Variants in KATNAL2 observed in about 807,000 individuals in gnomAD.
KATNAL2 encodes the protein katanin catalytic subunit A1 like 2, also known as katanin p60 ATPase-containing subunit A-like 2.
KATNAL2 carries 52 observed loss-of-function variants against 76.3 expected under a neutral mutation model. The ratio of observed to expected loss-of-function variants is 0.68; its 90% CI spans 0.55 to 0.86. KATNAL2 has a LOEUF of 0.86. Ranked by LOEUF, KATNAL2 falls within the 40% of genes least tolerant of loss-of-function variation. The probability of loss-of-function intolerance (pLI) is 0.00; values close to 1 mark genes in which losing one functional copy is unlikely to be tolerated. For missense variants in KATNAL2, 660 were observed against 668.9 expected, an observed-to-expected ratio of 0.99 and a Z score of 0.15; for synonymous variants, 243 against 244.2, an observed-to-expected ratio of 1.00 and a Z score of 0.05.
At chr18:47,036,099 C>A (rs2060763494) in intron 3 of KATNAL2, among the ~76,000 whole-genome samples, 3 of 152,246 alleles carry the variant, frequency 2.0e-5, no homozygotes, top group South Asian at 4.1e-4. Context: ...TCCAAGAAAT[C>A]TTTTTTCCAT....
At chr18:46,947,532 T>C (rs2059418093) in intron 3 of KATNAL2, among the ~76,000 whole-genome samples, 1 of 151,636 alleles carries the variant, frequency 6.6e-6, no homozygotes, top group African/African-American at 2.4e-5. Flanking sequence ...GAACATGAAT[T>C]GAGGACACAT....
chr18:46,928,884 C>T (rs1255474965), intron 1 of KATNAL2, among the ~76,000 whole-genome samples: 2 of 152,124 alleles, frequency 1.3e-5, no homozygotes, highest in Admixed American at 6.6e-5. Flanking sequence ...CAACCTCCAC[C>T]TCCAGAGTTC....
chr18:47,073,224 T>G (rs1425765067), intron 13 of KATNAL2, among the ~76,000 whole-genome samples: 1 of 152,198 alleles, frequency 6.6e-6, no homozygotes, highest in Non-Finnish European at 1.5e-5. Context: ...TAATAGTGTA[T>G]TTCAGTGATT....
chr18:46,918,766 G>C (rs1221984876), intron 1 of KATNAL2, among the ~76,000 whole-genome samples: 1 of 152,020 alleles, frequency 6.6e-6, no homozygotes, highest in African/African-American at 2.4e-5. Context: ...CTTGAACCAA[G>C]AATAATTTCC....
intron 1 of KATNAL2, among the ~76,000 whole-genome samples, chr18:46,934,573 A>G (rs2059032858): frequency 6.6e-6 from 1 of 152,164 alleles, no homozygotes; most frequent in Non-Finnish European, 1.5e-5. Context: ...AGTAGGTTGC[A>G]AAAATTTTCT....
intron 1 of KATNAL2, among the ~76,000 whole-genome samples, chr18:46,929,898 C>T (rs1254077085): frequency 1.3e-5 from 2 of 152,066 alleles, no homozygotes; most frequent in East Asian, 1.9e-4. Context: ...TCTCAGTCTC[C>T]CGAGTAGGTG....
intron 6 of KATNAL2, among the ~76,000 whole-genome samples, chr18:47,057,966 C>T (rs1036635041): frequency 2.6e-5 from 4 of 151,964 alleles, no homozygotes; most frequent in Non-Finnish European, 2.9e-5. Context: ...GCAGAAGGGC[C>T]GAAGCTATGT....
At chr18:46,930,557 T>C (rs1030728354) in intron 1 of KATNAL2, among the ~76,000 whole-genome samples, 9 of 152,196 alleles carry the variant, frequency 5.9e-5, no homozygotes, top group Non-Finnish European at 1.3e-4. Flanking sequence ...GGCTCACACC[T>C]ATAATCCCAG....
At chr18:47,045,601 G>C (rs1436911592) in intron 3 of KATNAL2, among the ~76,000 whole-genome samples, 1 of 152,080 alleles carries the variant, frequency 6.6e-6, no homozygotes. Flanking sequence ...GGGATTACAG[G>C]TATGAGCCAC....
chr18:46,932,879 C>T (rs1221380378), intron 1 of KATNAL2, among the ~76,000 whole-genome samples: 1 of 151,706 alleles, frequency 6.6e-6, no homozygotes, highest in African/African-American at 2.4e-5. Flanking sequence ...ATTCTCCTGC[C>T]TCAACCTCCT....
intron 3 of KATNAL2, among the ~76,000 whole-genome samples, chr18:47,032,113 C>G (rs1476466179): frequency 6.6e-6 from 1 of 152,178 alleles, no homozygotes; most frequent in East Asian, 1.9e-4. Context: ...TAATGTGTCA[C>G]CATTCTTTCA....
At chr18:47,083,370 A>G (rs2062620229) in intron 15 of KATNAL2, among the ~76,000 whole-genome samples, 1 of 152,250 alleles carries the variant, frequency 6.6e-6, no homozygotes, top group Non-Finnish European at 1.5e-5. Context: ...CAAGTGATCT[A>G]AAGACCCAGT....
chr18:47,042,809 A>G lies in KATNAL2; in HGVS notation c.52-3648A>G, dbSNP rs1442533212. Among the ~76,000 whole-genome samples, 4 of 152,338 alleles carry G rather than the reference A, an allele frequency of 2.6e-5. No homozygotes were observed. The East Asian group carries it at 5.8e-4, about 22-fold the overall frequency. On this transcript the variant is annotated intron_variant, in intron 3 of 17. Coordinates refer to ENST00000683218, the MANE Select transcript of KATNAL2 (RefSeq NM_001387690.1). ...AAAAAATAGTGAAATAATTTACCAA[A>G]GAAATAATAAAGAAGTTTTCCAAAA...
chr18:47,036,044 C>T (rs1321575764), intron 3 of KATNAL2, among the ~76,000 whole-genome samples: 1 of 152,168 alleles, frequency 6.6e-6, no homozygotes, highest in Non-Finnish European at 1.5e-5. Flanking sequence ...TGTCTTGACC[C>T]CGCCTTGTCC....
In KATNAL2 at chr18:46,944,465, T is replaced by G. The variant is rs1314305902; in HGVS notation, c.-509-1592T>G. On this transcript the variant is annotated intron_variant, in intron 1 of 17. Coordinates refer to ENST00000683218, the MANE Select transcript of KATNAL2 (RefSeq NM_001387690.1). ...TACGGGATGGGTTGGGAGCAGCGGT[T>G]CACACCTGTAATCCCAGCACTTTGG... is the stretch of plus-strand genomic sequence containing the variant. Among the ~76,000 whole-genome samples, 7 of 152,332 alleles carry G rather than the reference T, an allele frequency of 4.6e-5. 1 individual carries two copies. Among genetic ancestry groups the G allele is most frequent in the Admixed American group, 4.6e-4 (7 of 15,302 alleles).
intron 1 of KATNAL2, among the ~76,000 whole-genome samples, chr18:46,937,963 G>T (rs536821072): frequency 9.2e-5 from 14 of 151,928 alleles, no homozygotes; most frequent in Non-Finnish European, 1.9e-4. Context: ...GTGCATGGTG[G>T]TGCACACCTG....
At chr18:47,036,260 G>T (rs993945347) in intron 3 of KATNAL2, among the ~76,000 whole-genome samples, 9 of 152,196 alleles carry the variant, frequency 5.9e-5, no homozygotes, top group Admixed American at 2.0e-4. Flanking sequence ...TCAGTGAAAT[G>T]CTACAGCAAG....
chr18:46,946,845 C>T lies in KATNAL2; in HGVS notation c.-19-9C>T, dbSNP rs1219418527. 2.0e-6 allele frequency: 3 copies of T among 1,534,520 alleles called. No homozygotes were observed. The highest frequency in any genetic ancestry group is 2.6e-6 in the Non-Finnish European group (3 of 1,145,792). ...GCCCAGTAACTGACTACTTTTCTCC[C>T]TTCTCTAGGGTCCTAGCACAGTGTC... On this transcript the variant is annotated splice_polypyrimidine_tract_variant and intron_variant, in intron 2 of 17. Transcript: ENST00000683218.
chr18:47,076,943 C>A (rs2062263533), intron 14 of KATNAL2, among the ~76,000 whole-genome samples: 1 of 151,862 alleles, frequency 6.6e-6, no homozygotes, highest in Non-Finnish European at 1.5e-5. Flanking sequence ...CCCAGCTACT[C>A]AGGAGGCTGA....
Sources: gnomAD v4.1 joint callset for allele counts (sites outside exome capture counted in the v4.1 genomes callset) on GRCh38, gnomAD v4.1.1 for gene constraint, MANE v1.5 for transcripts, NCBI Gene and HGNC (gene_info 2026-07-23, HGNC 2026-07-21) for gene names.